The following POU6F1 variants were observed in gnomAD, a reference collection of about 807,000 sequenced individuals.
POU6F1 encodes the protein POU class 6 homeobox 1.
Under a neutral mutation model 28.9 loss-of-function variants are expected in POU6F1, and 9 were observed. The ratio of observed to expected loss-of-function variants is 0.31; its 90% CI spans 0.19 to 0.54. POU6F1 has a LOEUF of 0.54. Among genes scored for constraint, POU6F1 ranks in the 20% least tolerant of loss-of-function variants. The probability of loss-of-function intolerance (pLI) is 0.94; values close to 1 mark genes in which losing one functional copy is unlikely to be tolerated. For missense variants in POU6F1, 338 were observed against 426.1 expected (o/e 0.79, Z 1.82); for synonymous variants, 173 against 171.1 (o/e 1.01, Z -0.09).
intron 1 of POU6F1, among the ~76,000 whole-genome samples, chr12:51,208,894 G>A (rs535895608): frequency 3.9e-5 from 6 of 152,050 alleles, no homozygotes; most frequent in South Asian, 4.2e-4. Context: ...CAGTGATTTC[G>A]CCACTGCACT....
In POU6F1 at chr12:51,190,163, G is replaced by A; in HGVS notation, c.*84C>T. The stretch of plus-strand genomic sequence containing the variant: ...TGAGCACAGCTGCACGTGGCAAAAT[G>A]ACAGGTGCTGTCATGGCAGTGGCTG... On this transcript the variant is annotated 3_prime_UTR_variant, in exon 11 of 11. Coordinates refer to ENST00000333640, the MANE Select transcript of POU6F1 (RefSeq NM_001330422.2). The surrounding 1 kb of genome is among the most constrained non-coding windows in gnomAD (Gnocchi z 4.5). The A allele has an allele frequency of 6.5e-7, 1 of 1,529,594 alleles. No homozygotes were observed. Among genetic ancestry groups the A allele is most frequent in the African/African-American group, 1.4e-5 (1 of 73,046 alleles). 94.8% of individuals were successfully genotyped at this position (1,529,594 alleles called of 1,614,324 possible). A position where few individuals can be genotyped will look rare whatever the true frequency, so the allele number is the denominator to read the frequency against.
At chr12:51,206,189 C>T (rs1377569057) in intron 2 of POU6F1, among the ~76,000 whole-genome samples, 6 of 149,876 alleles carry the variant, frequency 4.0e-5, no homozygotes, top group Admixed American at 6.6e-5. Context: ...TTTGGGAGGC[C>T]GAGGTGGGCA....
At chr12:51,205,168 T>C (rs1351707905) in intron 2 of POU6F1, among the ~76,000 whole-genome samples, 1 of 151,046 alleles carries the variant, frequency 6.6e-6, no homozygotes, top group East Asian at 2.0e-4. Context: ...GCCTCCCGAG[T>C]AGCTGGGACT....
chr12:51,214,178 A>G (rs1484064804), intron 1 of POU6F1, among the ~76,000 whole-genome samples: 1 of 152,072 alleles, frequency 6.6e-6, no homozygotes, highest in African/African-American at 2.4e-5. Flanking sequence ...AAATAAATAA[A>G]TAAATAAAAT....
In POU6F1 at chr12:51,217,429, C is replaced by T. The variant is rs894832992; in HGVS notation, c.-48+213G>A. 2.6e-5 allele frequency among the ~76,000 whole-genome samples: 4 copies of T among 152,064 alleles called. No homozygotes were observed. The highest frequency in any genetic ancestry group is 7.2e-5 in the African/African-American group (3 of 41,426). ...GCGGCCCCCGGGTGTCTAGCCCCAG[C>T]TGGGCAACCGCGCGCTGTCCCGCTC... On this transcript the variant is annotated intron_variant, in intron 1 of 10. Coordinates refer to ENST00000333640, the MANE Select transcript of POU6F1 (RefSeq NM_001330422.2). The surrounding 1 kb of genome is among the most constrained non-coding windows in gnomAD (Gnocchi z 5.3).
At chr12:51,196,992 G>T (rs888689346) in intron 6 of POU6F1, 65 bp from the exon 7 acceptor site, 1 of 887,098 alleles carries the variant, frequency 1.1e-6, no homozygotes, top group Non-Finnish European at 1.8e-6. Context: ...GCAGAGGGAA[G>T]AGGACAGAGG....
At chr12:51,203,187 G>A (rs990666429) in intron 3 of POU6F1, among the ~76,000 whole-genome samples, 4 of 152,172 alleles carry the variant, frequency 2.6e-5, no homozygotes, top group African/African-American at 7.2e-5. Flanking sequence ...TTCTGAGAGC[G>A]AATTTGGATA....
rs1943057710 is a variant in POU6F1, at chr12:51,199,312, G to A, written c.366+435C>T. Among the ~76,000 whole-genome samples the A allele has an allele frequency of 2.6e-5, 4 of 152,180 alleles. No homozygotes were observed. The highest frequency in any genetic ancestry group is 2.6e-4 in the Admixed American group (4 of 15,284). On this transcript the variant is annotated intron_variant, in intron 4 of 10. Coordinates refer to ENST00000333640, the MANE Select transcript of POU6F1 (RefSeq NM_001330422.2). This position sits in a 1 kb window ranked among gnomAD's most constrained non-coding sequence, Gnocchi z 4.1. ...GTCAGGGAATGTAGCGAAAGGGACAGGGAGCTCTGCCTGCCTGCAGGATCC... is the reference window on the plus strand; with the variant it reads ...GTCAGGGAATGTAGCGAAAGGGACAAGGAGCTCTGCCTGCCTGCAGGATCC...
Position 51,198,004 on chromosome 12 carries a change from G to A in POU6F1, c.612C>T (p.Thr204=), listed in dbSNP as rs951006304. ...AGLQAAAVLN[T]ALPAPVQAAA... Reference sequence around the variant, plus strand: ...CAGCTTGTACCGGTGCCGGAAGAGCGGTGTTCAGCACAGCAGCTGCTATGG... The same window carrying A: ...CAGCTTGTACCGGTGCCGGAAGAGCAGTGTTCAGCACAGCAGCTGCTATGG... The change falls in exon 6 of 11, where the codon ACC becomes ACT. Residue 204 remains threonine, a synonymous_variant. Transcript: ENST00000333640. 5.5e-5 allele frequency: 22 copies of A among 399,718 alleles called. No homozygotes were observed. Among genetic ancestry groups the A allele is most frequent in the Admixed American group, 1.3e-4 (3 of 22,720 alleles). The allele number at this position is 399,718 out of a possible 1,614,324, so 24.8% of individuals were successfully genotyped here.
chr12:51,194,635 G>T (rs186369047), intron 8 of POU6F1, among the ~76,000 whole-genome samples: 1 of 146,386 alleles, frequency 6.8e-6, no homozygotes, highest in African/African-American at 2.6e-5. Context: ...GCAAGACCCT[G>T]GTCTCAAAAA....
intron 3 of POU6F1, among the ~76,000 whole-genome samples, chr12:51,203,179 C>T (rs1303415878): frequency 1.3e-5 from 2 of 152,158 alleles, no homozygotes; most frequent in East Asian, 1.9e-4. Flanking sequence ...AGATCCATTT[C>T]TGAGAGCGAA....
At chr12:51,207,030 G>C (rs1170909302) in intron 1 of POU6F1, 147 bp from the exon 2 acceptor site, 2 of 367,824 alleles carry the variant, frequency 5.4e-6, no homozygotes, top group Non-Finnish European at 9.6e-6. Context: ...AAAAAAAAAG[G>C]ATTCTTTTTT....
rs1383178220 is a variant in POU6F1 at position 51,208,168 on chromosome 12, A to T, written c.-47-1285T>A. On this transcript the variant is annotated intron_variant, in intron 1 of 10. Coordinates refer to ENST00000333640, the MANE Select transcript of POU6F1 (RefSeq NM_001330422.2). The stretch of plus-strand genomic sequence containing the variant: ...ATGGCGCATGCCTATAGTCCCAGCT[A>T]CTCAGGAGGCTGAGGTGGGAAGATC... 4.0e-5 allele frequency among the ~76,000 whole-genome samples: 6 copies of T among 151,136 alleles called. No individual in the cohort carries two copies. The East Asian group carries it at 1.2e-3, about 29-fold the overall frequency.
chr12:51,198,214 C>A (rs1255322156), intron 5 of POU6F1, 191 bp from the exon 6 acceptor site: 2 of 397,490 alleles, frequency 5.0e-6, no homozygotes, highest in East Asian at 3.6e-5. Context: ...CTCCCTGGGG[C>A]CAGGAGATGT....
rs373820416 is a variant in POU6F1 at position 51,196,884 on chromosome 12, G to A, written c.890C>T (p.Ser297Phe). The change falls in exon 7 of 11, where the codon TCC (serine) becomes TTC (phenylalanine). Residue 297 changes from serine to phenylalanine, a missense_variant. This residue lies in a region of POU6F1 where 206 missense variants were observed against 225.6 expected (regional missense o/e 0.91). Transcript: ENST00000333640. The stretch of plus-strand genomic sequence containing the variant: ...GGTAATGACTGGAGCTGTAGTGAGG[G>A]ACCCCAGGATCTGGGTCTGTCCCCC... ...SLGGQTQILG[S>F]LTTAPVITSA... 6.2e-7 allele frequency: 1 copy of A among 1,613,252 alleles called. No individual in the cohort carries two copies.
At chr12:51,211,324 C>T (rs963855276) in intron 1 of POU6F1, among the ~76,000 whole-genome samples, 1 of 152,210 alleles carries the variant, frequency 6.6e-6, no homozygotes, top group African/African-American at 2.4e-5. Context: ...CCACCAAGGG[C>T]CCTCTCCTTT....
At chr12:51,204,986 G>A (rs1943477159) in intron 2 of POU6F1, among the ~76,000 whole-genome samples, 1 of 150,260 alleles carries the variant, frequency 6.7e-6, no homozygotes, top group Admixed American at 6.6e-5. Context: ...CAAGAATCCT[G>A]AAGATGCATC....
rs1942238655 is a variant in POU6F1, at chr12:51,189,228, C to A, written c.*1019G>T. ...CAGGATGTTGTCCTTTCCCCCAGGG[C>A]CTTGCTGTCTGGTTTATTGTTTAAT... On this transcript the variant is annotated 3_prime_UTR_variant, in exon 11 of 11. Transcript: ENST00000333640. 6.6e-6 allele frequency: 1 copy of A among 152,196 alleles called. No individual in the cohort carries two copies. Among genetic ancestry groups the A allele is most frequent in the Non-Finnish European group, 1.5e-5 (1 of 68,044 alleles). The allele number at this position is 152,196 out of a possible 1,614,324, so 9.4% of individuals were successfully genotyped here. A position where few individuals can be genotyped will look rare whatever the true frequency, so the allele number is the denominator to read the frequency against.
At chr12:51,214,316 G>A (rs954336195) in intron 1 of POU6F1, among the ~76,000 whole-genome samples, 7 of 152,050 alleles carry the variant, frequency 4.6e-5, no homozygotes, top group African/African-American at 1.7e-4. Context: ...GAGGTAGAGA[G>A]AGGTCAGGTG....
Sources: allele counts gnomAD v4.1 joint callset (sites outside exome capture counted in the v4.1 genomes callset), GRCh38; gene constraint gnomAD v4.1.1; regional missense constraint gnomAD v4.1.1; non-coding constraint Gnocchi (gnomAD v3.1); transcripts MANE v1.5; gene names NCBI Gene and HGNC (gene_info 2026-07-23, HGNC 2026-07-21).